The following AP1M1 variants were observed in gnomAD, a reference collection of about 807,000 sequenced individuals.
The protein encoded by AP1M1 is adaptor related protein complex 1 subunit mu 1.
AP1M1 carries 18 observed loss-of-function variants against 57.1 expected under a neutral mutation model. The ratio of observed to expected loss-of-function variants is 0.32; its 90% CI spans 0.22 to 0.47. The LOEUF is 0.47. Among genes scored for constraint, AP1M1 ranks in the 20% least tolerant of loss-of-function variants. AP1M1 has a pLI of 1.00. For missense variants in AP1M1, 362 were observed against 593.5 expected, an observed-to-expected ratio of 0.61 and a Z score of 4.05; for synonymous variants, 241 against 237.9, an observed-to-expected ratio of 1.01 and a Z score of -0.12.
At chr19:16,230,404 CT>C (rs58625387) in intron 9 of AP1M1, among the ~76,000 whole-genome samples, 19,036 of 143,352 alleles carry the variant, frequency 0.13, 1,855 homozygotes, top group East Asian at 0.27. Flanking sequence ...ATACGGTAAC[CT>C]TTTTTTTTTT....
intron 5 of AP1M1, among the ~76,000 whole-genome samples, chr19:16,217,371 T>C (rs1249729269): frequency 1.3e-5 from 2 of 152,032 alleles, no homozygotes; most frequent in Non-Finnish European, 2.9e-5. Context: ...AGGCATGCTG[T>C]TGGGGAAGGG....
In AP1M1 at chr19:16,207,434, C is replaced by T. The variant is rs751317364; in HGVS notation, c.268-585C>T. Reference sequence around the variant, plus strand: ...AGGCCGGGTGATCACAGTCCTGAAGCGCGCAGGGGTCAGCAGATCAGAGAA... The same window carrying T: ...AGGCCGGGTGATCACAGTCCTGAAGTGCGCAGGGGTCAGCAGATCAGAGAA... On this transcript the variant is annotated intron_variant, in intron 3 of 11. Coordinates refer to ENST00000291439, the MANE Select transcript of AP1M1 (RefSeq NM_032493.4). The surrounding 1 kb of genome is among the most constrained non-coding windows in gnomAD (Gnocchi z 4.2). 3.9e-5 allele frequency among the ~76,000 whole-genome samples: 6 copies of T among 152,000 alleles called. No homozygotes were observed. The highest frequency in any genetic ancestry group is 8.8e-5 in the Non-Finnish European group (6 of 68,004).
intron 9 of AP1M1, among the ~76,000 whole-genome samples, chr19:16,232,162 G>T (rs1245519801): frequency 6.6e-6 from 1 of 152,234 alleles, no homozygotes; most frequent in Non-Finnish European, 1.5e-5. Flanking sequence ...GTCCTCCTGT[G>T]CACCTTTCTC....
At chr19:16,205,150 A>G (rs1438619734) in intron 2 of AP1M1, among the ~76,000 whole-genome samples, 1 of 152,124 alleles carries the variant, frequency 6.6e-6, no homozygotes, top group Non-Finnish European at 1.5e-5. Flanking sequence ...CTTTTAACCC[A>G]GGGAACTGAC....
chr19:16,233,360 A>T, intron 9 of AP1M1, 133 bp from the exon 10 acceptor site: 1 of 1,321,580 alleles, frequency 7.6e-7, no homozygotes, highest in Non-Finnish European at 1.0e-6. Context: ...TTGGCTCCCC[A>T]GCACAGGGGC....
intron 10 of AP1M1, 105 bp downstream of exon 10, chr19:16,233,723 G>T: frequency 7.1e-7 from 1 of 1,411,012 alleles, no homozygotes; most frequent in African/African-American, 1.4e-5. Flanking sequence ...GCTGCAATCA[G>T]GACCCTGCTG....
intron 5 of AP1M1, among the ~76,000 whole-genome samples, chr19:16,216,431 C>T (rs920495902): frequency 1.3e-5 from 2 of 148,462 alleles, no homozygotes; most frequent in Admixed American, 1.3e-4. Flanking sequence ...GGCGACAGAG[C>T]GAAACTCCGT....
chr19:16,198,594 G>A (rs2091434350), intron 1 of AP1M1, among the ~76,000 whole-genome samples: 1 of 152,152 alleles, frequency 6.6e-6, no homozygotes, highest in Non-Finnish European at 1.5e-5. Context: ...TGAGGTGAGT[G>A]GTGATCACGA....
chr19:16,208,991 G>A (rs769368822), intron 4 of AP1M1, 39 bp from the exon 5 acceptor site: 94 of 1,595,662 alleles, frequency 5.9e-5, no homozygotes, highest in Non-Finnish European at 7.6e-5. Context: ...GCGTTGGTGC[G>A]GGTACCACCT....
At chr19:16,215,201 G>A (rs1350086335) in intron 5 of AP1M1, among the ~76,000 whole-genome samples, 1 of 10,220 alleles carries the variant, frequency 9.8e-5, no homozygotes, top group African/African-American at 2.0e-4. Flanking sequence ...AGGCGGGGGC[G>A]GGGGGGGGGG....
In AP1M1 at chr19:16,228,200, A is replaced by G; in HGVS notation, c.880A>G (p.Met294Val). 6.2e-7 allele frequency: 1 copy of G among 1,613,762 alleles called. No individual in the cohort carries two copies. Among genetic ancestry groups the G allele is most frequent in the Non-Finnish European group, 8.5e-7 (1 of 1,180,004 alleles). ...GCACTCCCACAGCCGCATCGAGTAC[A>G]TGATCAAGGTGCGTGGGCCGAGGCC... ...EKHSHSRIEY[M>V]IKAKSQFKRR... Residue 294 changes from methionine (M) to valine (V), a missense_variant, in exon 8 of 12, where the codon ATG becomes GTG. By Grantham distance (21) the Met-to-Val change is conservative. Coordinates refer to ENST00000291439, the MANE Select transcript of AP1M1 (RefSeq NM_032493.4). The surrounding 1 kb of genome is among the most constrained non-coding windows in gnomAD (Gnocchi z 5.0).
chr19:16,208,078 C>T lies in AP1M1; in HGVS notation c.327C>T (p.Ile109=), dbSNP rs2091477094. The T allele has an allele frequency of 6.2e-7, 1 of 1,613,838 alleles. No individual in the cohort carries two copies. Among genetic ancestry groups the T allele is most frequent in the South Asian group, 1.1e-5 (1 of 91,072 alleles). ...EEESIRDNFV[I]IYELLDELMD... is the part of the protein sequence containing the mutation. The stretch of plus-strand genomic sequence containing the variant: ...AGAGCATCCGGGACAACTTTGTTAT[C>T]ATCTACGAGCTGCTGGACGAGCTCA... The change falls in exon 4 of 12, where the codon ATC becomes ATT. Residue 109 remains isoleucine, a synonymous_variant. Transcript: ENST00000291439.
chr19:16,202,926 C>T (rs1301800212), intron 1 of AP1M1: 1 of 156,062 alleles, frequency 6.4e-6, no homozygotes, highest in Admixed American at 6.1e-5. Flanking sequence ...AAGTAGTTGT[C>T]CCATTTTCCA....
Position 16,227,805 on chromosome 19 carries a change from C to G in AP1M1, c.816+115C>G. 2 of 1,334,696 alleles carry G rather than the reference C, an allele frequency of 1.5e-6. No individual in the cohort carries two copies. The highest frequency in any genetic ancestry group is 2.1e-6 in the Non-Finnish European group (2 of 962,216). The allele number at this position is 1,334,696 out of a possible 1,614,324, so 82.7% of individuals were successfully genotyped here. A position where few individuals can be genotyped will look rare whatever the true frequency, so the allele number is the denominator to read the frequency against. On this transcript the variant is annotated intron_variant, in intron 7 of 11. Coordinates refer to ENST00000291439, the MANE Select transcript of AP1M1 (RefSeq NM_032493.4). This position sits in a 1 kb window ranked among gnomAD's most constrained non-coding sequence, Gnocchi z 6.2. ...GCCCCACCCCACGCTCCATGAGCTGCCTGGCTCTGCAGAGATGGAGTCTGA... is the reference window on the plus strand; with the variant it reads ...GCCCCACCCCACGCTCCATGAGCTGGCTGGCTCTGCAGAGATGGAGTCTGA...
intron 5 of AP1M1, among the ~76,000 whole-genome samples, chr19:16,218,131 A>C (rs1006484104): frequency 6.6e-6 from 1 of 152,258 alleles, no homozygotes; most frequent in Admixed American, 6.5e-5. Flanking sequence ...GTGACTGCAG[A>C]GCTGCCTCTG....
chr19:16,207,970 C>G lies in AP1M1; in HGVS notation c.268-49C>G. The stretch of plus-strand genomic sequence containing the variant: ...AGCGTTCATTCATTCCTCATCCGTC[C>G]GCTCAATGATCTGCCTCCCATTCCT... On this transcript the variant is annotated intron_variant, in intron 3 of 11. Transcript: ENST00000291439. This position sits in a 1 kb window ranked among gnomAD's most constrained non-coding sequence, Gnocchi z 4.2. 1 of 1,580,186 alleles carries G rather than the reference C, an allele frequency of 6.3e-7. No homozygotes were observed. The highest frequency in any genetic ancestry group is 8.6e-7 in the Non-Finnish European group (1 of 1,163,400).
At position 16,235,625 on chromosome 19, in the gene AP1M1, C is replaced by T. The variant is rs191788554; in HGVS notation, c.*1190C>T. On this transcript the variant is annotated 3_prime_UTR_variant, in exon 12 of 12. Transcript: ENST00000291439. ...TGGCCAACAGCTTGTCCCCACCTCT[C>T]CCCAAACTGATGGCCCACTCAGAGC... 1.2e-3 allele frequency: 183 copies of T among 152,504 alleles called. No homozygotes were observed. The highest frequency in any genetic ancestry group is 4.2e-3 in the African/African-American group (175 of 41,580). The allele number at this position is 152,504 out of a possible 1,614,324, so 9.4% of individuals were successfully genotyped here.
chr19:16,209,267 G>A, intron 5 of AP1M1, 90 bp downstream of exon 5: 1 of 1,456,622 alleles, frequency 6.9e-7, no homozygotes, highest in Non-Finnish European at 9.4e-7. Context: ...AAAGCCCCGA[G>A]AGCCGTTCTG....
chr19:16,204,845 T>G (rs1257160525), intron 2 of AP1M1, among the ~76,000 whole-genome samples: 2 of 151,512 alleles, frequency 1.3e-5, no homozygotes, highest in Non-Finnish European at 3.0e-5. Flanking sequence ...TTTTTTTTTT[T>G]TTTGAGACAG....
Sources: allele counts gnomAD v4.1 joint callset (sites outside exome capture counted in the v4.1 genomes callset), GRCh38; gene constraint gnomAD v4.1.1; non-coding constraint Gnocchi (gnomAD v3.1); transcripts MANE v1.5; gene names NCBI Gene and HGNC (gene_info 2026-07-23, HGNC 2026-07-21).